The following TTC39C variants were observed in gnomAD, a reference collection of about 807,000 sequenced individuals.
TTC39C encodes tetratricopeptide repeat protein 39C.
TTC39C carries 33 observed loss-of-function variants against 76.3 expected under a neutral mutation model. The ratio of observed to expected loss-of-function variants is 0.43; its 90% CI spans 0.33 to 0.58. The LOEUF (loss-of-function observed/expected upper bound fraction) is 0.58. Among genes scored for constraint, TTC39C ranks in the 20% least tolerant of loss-of-function variants. The pLI is 0.04. For missense variants in TTC39C, 595 were observed against 701.4 expected (o/e 0.85, Z 1.71); for synonymous variants, 254 against 260.6 (o/e 0.97, Z 0.24).
intron 1 of TTC39C, among the ~76,000 whole-genome samples, chr18:24,042,182 C>G: frequency 6.6e-6 from 1 of 152,112 alleles, no homozygotes; most frequent in East Asian, 1.9e-4. Context: ...TATACTTAGG[C>G]ATTATGGGTA....
intron 1 of TTC39C, among the ~76,000 whole-genome samples, chr18:24,058,013 A>C (rs756192607): frequency 1.6e-4 from 24 of 152,224 alleles, no homozygotes; most frequent in Non-Finnish European, 2.6e-4. Flanking sequence ...CTTTGCAGGA[A>C]CATGGATGGG....
rs777327736 is a variant in TTC39C at position 24,040,416 on chromosome 18, G to C, written c.168-23724G>C. 2.0e-5 allele frequency among the ~76,000 whole-genome samples: 3 copies of C among 152,086 alleles called. 1 individual carries two copies. Among genetic ancestry groups the C allele is most frequent in the Non-Finnish European group, 4.4e-5 (3 of 68,028 alleles). On this transcript the variant is annotated intron_variant, in intron 1 of 13. Coordinates refer to ENST00000317571, the MANE Select transcript of TTC39C (RefSeq NM_001135993.2). Reference sequence around the variant, plus strand: ...TTTACAAGCCTTTTCCACTTATCTCGCTTTCACCTAACCCTAACGTAACTT... The same window carrying C: ...TTTACAAGCCTTTTCCACTTATCTCCCTTTCACCTAACCCTAACGTAACTT...
intron 12 of TTC39C, 136 bp downstream of exon 12, chr18:24,130,553 A>C (rs962301176): frequency 1.2e-5 from 3 of 259,940 alleles, no homozygotes; most frequent in Admixed American, 1.1e-4. Context: ...CCTTGGTTTT[A>C]CTTAGAATGA....
chr18:24,097,855 C>A (rs1044735588), intron 6 of TTC39C, among the ~76,000 whole-genome samples: 1 of 152,114 alleles, frequency 6.6e-6, no homozygotes, highest in African/African-American at 2.4e-5. Context: ...CTGATAGGGG[C>A]TCTTTTCAAG....
intron 1 of TTC39C, among the ~76,000 whole-genome samples, chr18:24,001,832 T>TTTTTGG (rs199756222): frequency 0.58 from 77,732 of 134,284 alleles, 25,100 homozygotes; most frequent in Non-Finnish European, 0.73. Flanking sequence ...TGTTTTTTTT[T>TTTTTGG]TTTTTTTTTT....
chr18:24,098,591 C>A (rs1366818612), intron 6 of TTC39C, among the ~76,000 whole-genome samples: 1 of 126,320 alleles, frequency 7.9e-6, no homozygotes, highest in African/African-American at 2.9e-5. Context: ...CTTTTCCTCT[C>A]TCCCTCCCTT....
At chr18:24,117,836 C>T (rs879271665) in intron 7 of TTC39C, among the ~76,000 whole-genome samples, 4 of 152,096 alleles carry the variant, frequency 2.6e-5, no homozygotes, top group East Asian at 1.9e-4. Context: ...GTTAGCCTCA[C>T]GACTGTTAGG....
At chr18:24,003,476 A>G (rs1036935364) in intron 1 of TTC39C, among the ~76,000 whole-genome samples, 2 of 152,234 alleles carry the variant, frequency 1.3e-5, no homozygotes, top group African/African-American at 4.8e-5. Flanking sequence ...TGGCTGGCAC[A>G]TAGTAGGTCC....
At chr18:24,066,588 C>G (rs2145734789) in intron 3 of TTC39C, among the ~76,000 whole-genome samples, 1 of 152,306 alleles carries the variant, frequency 6.6e-6, no homozygotes, top group South Asian at 2.1e-4. Context: ...ATTTTGCCCT[C>G]ACCATTTCAG....
chr18:24,027,710 C>T (rs1047768424), intron 1 of TTC39C, among the ~76,000 whole-genome samples: 1 of 152,064 alleles, frequency 6.6e-6, no homozygotes, highest in African/African-American at 2.4e-5. Flanking sequence ...CGGGCCTGTG[C>T]CACCACACCC....
At chr18:24,023,969 TATATATATATACATATATATATATATA>T (rs2083554708) in intron 1 of TTC39C, among the ~76,000 whole-genome samples, 8 of 13,878 alleles carry the variant, frequency 5.8e-4, no homozygotes, top group African/African-American at 8.7e-4. Flanking sequence ...TATATATATA[TATATATATATACATATATATATATATA>T]TATATATATA....
chr18:24,023,831 A>AT (rs2083545333), intron 1 of TTC39C, among the ~76,000 whole-genome samples: 1 of 1,162 alleles, frequency 8.6e-4, no homozygotes, highest in African/African-American at 9.0e-4. Flanking sequence ...CCCTTTTATG[A>AT]TTGTAATTCC....
chr18:24,132,603 C>G lies in TTC39C; in HGVS notation c.*29C>G. ...ACCCGGAACACCCGCTCCGTCCCTC[C>G]CCACCCAGGGTCCGCACTTTAAAAT... On this transcript the variant is annotated 3_prime_UTR_variant, in exon 14 of 14. Coordinates refer to ENST00000317571, the MANE Select transcript of TTC39C (RefSeq NM_001135993.2). 6.3e-7 allele frequency: 1 copy of G among 1,589,738 alleles called. No homozygotes were observed. Among genetic ancestry groups the G allele is most frequent in the South Asian group, 1.1e-5 (1 of 89,450 alleles).
chr18:24,095,702 A>AAAAC (rs939311621), intron 6 of TTC39C, among the ~76,000 whole-genome samples: 1 of 152,090 alleles, frequency 6.6e-6, no homozygotes, highest in Non-Finnish European at 1.5e-5. Flanking sequence ...TCCGCCTCAA[A>AAAAC]AAACAAACAA....
intron 6 of TTC39C, chr18:24,113,354 T>C: frequency 1.8e-6 from 1 of 560,280 alleles, no homozygotes; most frequent in South Asian, 2.2e-5. Flanking sequence ...TGCAGTGACG[T>C]GCTGAGGAGA....
intron 11 of TTC39C, 24 bp downstream of exon 11, chr18:24,129,007 C>A: frequency 6.3e-7 from 1 of 1,590,106 alleles, no homozygotes; most frequent in Non-Finnish European, 8.6e-7. Context: ...GTTGTCAGGG[C>A]TAAAGAAAAT....
At chr18:24,060,092 A>G (rs139126899) in intron 1 of TTC39C, among the ~76,000 whole-genome samples, 4,213 of 152,264 alleles carry the variant, frequency 0.028, 180 homozygotes, top group African/African-American at 0.096. Context: ...GGGTGGGGAC[A>G]CAGCCAAACC....
chr18:24,077,667 C>T (rs1431983553), intron 4 of TTC39C, among the ~76,000 whole-genome samples: 2 of 152,140 alleles, frequency 1.3e-5, no homozygotes, highest in Admixed American at 6.5e-5. Context: ...AATAGCCAAT[C>T]GATATTTTTA....
At chr18:24,091,239 G>T (rs905454881) in intron 6 of TTC39C, among the ~76,000 whole-genome samples, 1 of 152,224 alleles carries the variant, frequency 6.6e-6, no homozygotes, top group Non-Finnish European at 1.5e-5. Context: ...GATTGCTTGA[G>T]CTCACAAGTT....
Sources: gnomAD v4.1 joint callset for allele counts (sites outside exome capture counted in the v4.1 genomes callset) on GRCh38, gnomAD v4.1.1 for gene constraint, MANE v1.5 for transcripts, NCBI Gene and HGNC (gene_info 2026-07-23, HGNC 2026-07-21) for gene names.